HOMER2: variants seen among roughly 807,000 people sequenced by gnomAD.
The protein encoded by HOMER2 is homer scaffold protein 2, also known as homer protein homolog 2.
Under a neutral mutation model 47.0 loss-of-function variants are expected in HOMER2, and 27 were observed. The observed-to-expected ratio is 0.57, with a 90% CI of 0.42 to 0.79. The LOEUF is 0.79. Among genes scored for constraint, HOMER2 ranks in the 30% least tolerant of loss-of-function variants. The pLI, the probability that HOMER2 is intolerant of heterozygous loss-of-function variation, is 0.00. For missense variants in HOMER2, 443 were observed against 435.0 expected (o/e 1.02, Z -0.16); for synonymous variants, 161 against 163.8 (o/e 0.98, Z 0.13).
At chr15:82,914,872 G>T (rs889100261) in intron 1 of HOMER2, among the ~76,000 whole-genome samples, 11 of 152,174 alleles carry the variant, frequency 7.2e-5, no homozygotes, top group African/African-American at 2.4e-4. Context: ...AGAGAAACCT[G>T]CAAAGGGCGT....
chr15:82,931,161 T>C (rs1393066912), intron 1 of HOMER2, among the ~76,000 whole-genome samples: 2 of 151,880 alleles, frequency 1.3e-5, no homozygotes, highest in African/African-American at 2.4e-5. Context: ...TTTTATGACA[T>C]TTCCAGGGTT....
intron 3 of HOMER2, among the ~76,000 whole-genome samples, chr15:82,873,936 C>G (rs1215028249): frequency 2.0e-5 from 3 of 152,222 alleles, no homozygotes; most frequent in Non-Finnish European, 4.4e-5. Context: ...TGCACACACA[C>G]TGGACAAAGG....
intron 4 of HOMER2, among the ~76,000 whole-genome samples, chr15:82,860,232 A>T (rs1428798141): frequency 6.6e-6 from 1 of 152,148 alleles, no homozygotes; most frequent in Non-Finnish European, 1.5e-5. Flanking sequence ...GGGAAACTCC[A>T]ACTCAAAATA....
chr15:82,967,257 T>C (rs1222119745), intron 1 of HOMER2, among the ~76,000 whole-genome samples: 1 of 151,582 alleles, frequency 6.6e-6, no homozygotes, highest in Non-Finnish European at 1.5e-5. Context: ...TCTCAATAAA[T>C]AACTAAATAA....
chr15:82,865,134 G>C (rs1363180817), intron 3 of HOMER2, among the ~76,000 whole-genome samples: 2 of 152,248 alleles, frequency 1.3e-5, no homozygotes, highest in African/African-American at 4.8e-5. Context: ...AGGGTAAGCA[G>C]TAAAGGTCAG....
At chr15:82,927,979 A>G (rs938370711) in intron 1 of HOMER2, among the ~76,000 whole-genome samples, 1 of 137,928 alleles carries the variant, frequency 7.3e-6, no homozygotes, top group Non-Finnish European at 1.5e-5. Context: ...GTCTCAAAAA[A>G]AAAAAAAAAA....
intron 1 of HOMER2, among the ~76,000 whole-genome samples, chr15:82,928,069 AACT>A: frequency 6.6e-6 from 1 of 151,772 alleles, no homozygotes; most frequent in South Asian, 2.1e-4. Context: ...GGCCCGGCCC[AACT>A]CTGTATCCTC....
intron 1 of HOMER2, among the ~76,000 whole-genome samples, chr15:82,895,662 C>T (rs924802537): frequency 6.6e-6 from 1 of 152,138 alleles, no homozygotes; most frequent in African/African-American, 2.4e-5. Flanking sequence ...GGCTGGGGGC[C>T]CACGGGTTAG....
intron 1 of HOMER2, among the ~76,000 whole-genome samples, chr15:82,914,018 C>T (rs1310482684): frequency 2.0e-5 from 3 of 152,048 alleles, no homozygotes; most frequent in Admixed American, 6.6e-5. Context: ...ATGTGGCATA[C>T]ACATAGAATC....
chr15:82,862,991 T>C (rs576191282), intron 4 of HOMER2, among the ~76,000 whole-genome samples: 60 of 152,270 alleles, frequency 3.9e-4, no homozygotes, highest in African/African-American at 1.4e-3. Flanking sequence ...CTGTCATCTT[T>C]GCTGGCTCCC....
intron 5 of HOMER2, among the ~76,000 whole-genome samples, chr15:82,856,714 A>G (rs2051599153): frequency 6.6e-6 from 1 of 152,246 alleles, no homozygotes; most frequent in Admixed American, 6.5e-5. Flanking sequence ...TACCTGACAA[A>G]GAGTCACAGT....
chr15:82,890,902 C>T (rs994292714), intron 2 of HOMER2, among the ~76,000 whole-genome samples: 8 of 152,014 alleles, frequency 5.3e-5, no homozygotes, highest in African/African-American at 1.5e-4. Flanking sequence ...AGGAGAGAAA[C>T]GGTAATTACA....
chr15:82,984,234 G>A (rs540995570), intron 1 of HOMER2, among the ~76,000 whole-genome samples: 1 of 151,744 alleles, frequency 6.6e-6, no homozygotes, highest in Non-Finnish European at 1.5e-5. Flanking sequence ...GGGTTTCACC[G>A]TGTTAGCCAG....
At chr15:82,850,310 C>T (rs922594954) in intron 8 of HOMER2, among the ~76,000 whole-genome samples, 1 of 152,244 alleles carries the variant, frequency 6.6e-6, no homozygotes, top group Non-Finnish European at 1.5e-5. Context: ...GAGAGTGGCT[C>T]GTTCCCCTGG....
intron 1 of HOMER2, among the ~76,000 whole-genome samples, chr15:82,949,916 C>T (rs1423400259): frequency 6.6e-6 from 1 of 152,110 alleles, no homozygotes; most frequent in Non-Finnish European, 1.5e-5. Flanking sequence ...TGCTCCTATA[C>T]TGATGGAGAA....
At chr15:82,905,331 G>A (rs1376019695) in intron 1 of HOMER2, among the ~76,000 whole-genome samples, 1 of 149,070 alleles carries the variant, frequency 6.7e-6, no homozygotes, top group East Asian at 1.9e-4. Flanking sequence ...TGGGAAAACT[G>A]GAAAAGGTAT....
At chr15:82,941,533 G>A (rs1032432309) in intron 1 of HOMER2, among the ~76,000 whole-genome samples, 45 of 149,648 alleles carry the variant, frequency 3.0e-4, no homozygotes, top group Admixed American at 4.7e-4. Flanking sequence ...ACAGACTGAA[G>A]TCCATACAGT....
chr15:82,875,541 C>T, intron 2 of HOMER2, 137 bp from the exon 3 acceptor site: 3 of 830,756 alleles, frequency 3.6e-6, no homozygotes, highest in East Asian at 2.7e-5. Flanking sequence ...CCGCGTTCTC[C>T]TGGAACAACC....
At chr15:82,967,145 G>T (rs2054681733) in intron 1 of HOMER2, among the ~76,000 whole-genome samples, 1 of 152,104 alleles carries the variant, frequency 6.6e-6, no homozygotes, top group Non-Finnish European at 1.5e-5. Context: ...TACTTGGGAG[G>T]CTGAGGCAGG....
Sources: allele counts gnomAD v4.1 joint callset (sites outside exome capture counted in the v4.1 genomes callset), GRCh38; gene constraint gnomAD v4.1.1; transcripts MANE v1.5; gene names NCBI Gene and HGNC (gene_info 2026-07-23, HGNC 2026-07-21).